TNFRSF10B: variants seen among roughly 807,000 people sequenced by gnomAD.
TNFRSF10B encodes TNF receptor superfamily member 10b, also known as tumor necrosis factor receptor superfamily member 10B.
TNFRSF10B carries 35 observed loss-of-function variants against 41.4 expected under a neutral mutation model. The ratio of observed to expected loss-of-function variants is 0.85; its 90% CI spans 0.65 to 1.12. The LOEUF is 1.12. Ranked by LOEUF, TNFRSF10B falls within the 50% of genes most tolerant of loss-of-function variation. TNFRSF10B has a pLI of 0.00. For synonymous variants in TNFRSF10B, 230 were observed against 215.5 expected (o/e 1.07, Z -0.59); for missense variants, 584 against 552.7 (o/e 1.06, Z -0.57).
At chr8:23,033,530 G>C (rs1811939918) in intron 2 of TNFRSF10B, among the ~76,000 whole-genome samples, 1 of 137,602 alleles carries the variant, frequency 7.3e-6, no homozygotes, top group African/African-American at 2.7e-5. Flanking sequence ...GGAGCCTGCA[G>C]TGAGCCGAGA....
chr8:23,036,383 C>T (rs1293936976), intron 2 of TNFRSF10B, among the ~76,000 whole-genome samples: 1 of 152,234 alleles, frequency 6.6e-6, no homozygotes, highest in East Asian at 1.9e-4. Context: ...TGCAATATTA[C>T]TTTCTTTTGC....
rs766068300 is a variant in TNFRSF10B at position 23,020,702 on chromosome 8, AAAAT to A, written c.*1965_*1968del. 6 of 453,796 alleles carry A rather than the reference AAAAT, an allele frequency of 1.3e-5. No homozygotes were observed. The highest frequency in any genetic ancestry group is 9.3e-5 in the South Asian group (6 of 64,412). 28.1% of individuals were successfully genotyped at this position (453,796 alleles called of 1,614,324 possible). On this transcript the variant is annotated 3_prime_UTR_variant, in exon 9 of 9. Transcript: ENST00000276431. The stretch of plus-strand genomic sequence containing the variant: ...GTGAGATTCTGTCTCAAAAAAATTA[AAAAT>A]AAAAGAAAAATCTTAAACACTGATA...
At chr8:23,031,680 C>T (rs534633740) in intron 2 of TNFRSF10B, among the ~76,000 whole-genome samples, 26 of 152,062 alleles carry the variant, frequency 1.7e-4, no homozygotes, top group African/African-American at 6.0e-4. Flanking sequence ...CAGGTGTCAG[C>T]CACTGTGCCC....
chr8:23,069,023 G>C lies in TNFRSF10B; in HGVS notation c.-129C>G. ...TCTCCGGCCGCGTGCTGATTTATGT[G>C]TCCAGGCTGACTTGGGGCGGCGCGG... On this transcript the variant is annotated 5_prime_UTR_variant, in exon 1 of 9. Coordinates refer to ENST00000276431, the MANE Select transcript of TNFRSF10B (RefSeq NM_003842.5). 1 of 1,470,922 alleles carries C rather than the reference G, an allele frequency of 6.8e-7. No homozygotes were observed. The highest frequency in any genetic ancestry group is 9.3e-7 in the Non-Finnish European group (1 of 1,074,524). 91.1% of individuals were successfully genotyped at this position (1,470,922 alleles called of 1,614,324 possible). A position where few individuals can be genotyped will look rare whatever the true frequency, so the allele number is the denominator to read the frequency against.
At position 23,021,360 on chromosome 8, in the gene TNFRSF10B, AG is replaced by A. The variant is rs990312918; in HGVS notation, c.*1310del. On this transcript the variant is annotated 3_prime_UTR_variant, in exon 9 of 9. Coordinates refer to ENST00000276431, the MANE Select transcript of TNFRSF10B (RefSeq NM_003842.5). ...ACCCTAAAAGGCAGCTCATGGGCTC[AG>A]GGTGACAGATAACCAGAAGTGAGCC... The A allele has an allele frequency of 6.6e-6, 3 of 454,034 alleles. No individual in the cohort carries two copies. Among genetic ancestry groups the A allele is most frequent in the Non-Finnish European group, 1.3e-5 (3 of 226,806 alleles). The allele number at this position is 454,034 out of a possible 1,614,324, so 28.1% of individuals were successfully genotyped here. A position where few individuals can be genotyped will look rare whatever the true frequency, so the allele number is the denominator to read the frequency against.
chr8:23,064,266 A>T lies in TNFRSF10B; in HGVS notation c.144+4485T>A, dbSNP rs183323202. Among the ~76,000 whole-genome samples, 3 of 152,324 alleles carry T rather than the reference A, an allele frequency of 2.0e-5. No homozygotes were observed. The East Asian group carries it at 5.8e-4, about 29-fold the overall frequency. ...ACAGACAGAATCCCAGACAGACAGGAATCCAGTGTAATGGGGGAGGGGAGT... is the reference window on the plus strand; with the variant it reads ...ACAGACAGAATCCCAGACAGACAGGTATCCAGTGTAATGGGGGAGGGGAGT... On this transcript the variant is annotated intron_variant, in intron 1 of 8. Transcript: ENST00000276431.
Position 23,029,741 on chromosome 8 carries a change from T to C in TNFRSF10B, c.365-20A>G, listed in dbSNP as rs112019844. 6,746 of 1,607,734 alleles carry C rather than the reference T, an allele frequency of 4.2e-3. 217 individuals carry two copies. The African/African-American group carries it at 0.072, about 17-fold the overall frequency. On this transcript the variant is annotated intron_variant, in intron 3 of 8. Transcript: ENST00000276431. ...CTTCACCTGACGACAGAGCATAAGG[T>C]TTTGGGAATGTGTTTTCCTGATGTG...
intron 7 of TNFRSF10B, among the ~76,000 whole-genome samples, 159 bp from the exon 8 acceptor site, chr8:23,024,419 C>G (rs1325326925): frequency 6.6e-6 from 1 of 152,094 alleles, no homozygotes; most frequent in Non-Finnish European, 1.5e-5. Flanking sequence ...GGGCAAGACT[C>G]TCGGAAGGAG....
At chr8:23,028,117 A>T in intron 5 of TNFRSF10B, 1 of 650,116 alleles carries the variant, frequency 1.5e-6, no homozygotes, top group South Asian at 1.9e-5. Flanking sequence ...GCTGGGAGAT[A>T]TGGGGACCCC....
chr8:23,022,251 T>G lies in TNFRSF10B; in HGVS notation c.*420A>C. On this transcript the variant is annotated 3_prime_UTR_variant, in exon 9 of 9. Coordinates refer to ENST00000276431, the MANE Select transcript of TNFRSF10B (RefSeq NM_003842.5). The stretch of plus-strand genomic sequence containing the variant: ...CTCCAGCCTGGGAGACAGAGTGAAC[T>G]GCCCCGCACCCCCCACCCAAAAAAG... 2.2e-6 allele frequency: 1 copy of G among 453,814 alleles called. No homozygotes were observed. The highest frequency in any genetic ancestry group is 4.4e-6 in the Non-Finnish European group (1 of 226,580). The allele number at this position is 453,814 out of a possible 1,614,324, so 28.1% of individuals were successfully genotyped here.
chr8:23,060,687 G>T (rs1812807337), intron 1 of TNFRSF10B, among the ~76,000 whole-genome samples: 1 of 152,104 alleles, frequency 6.6e-6, no homozygotes. Flanking sequence ...ATGTCCTTGG[G>T]ATTTTGATAG....
rs894497669 is a variant in TNFRSF10B at position 23,030,879 on chromosome 8, G to A, written c.251-7C>T. The A allele has an allele frequency of 4.4e-6, 7 of 1,599,574 alleles. No individual in the cohort carries two copies. Among genetic ancestry groups the A allele is most frequent in the Non-Finnish European group, 6.0e-6 (7 of 1,171,194 alleles). ...TCTTCTGAGATATGGTGTCCTGGGA[G>A]GGGAGAGAAAAGCCGGTGAATGAAA... On this transcript the variant is annotated splice_region_variant and splice_polypyrimidine_tract_variant and intron_variant, in intron 2 of 8. Transcript: ENST00000276431.
chr8:23,043,335 G>C, intron 1 of TNFRSF10B, 92 bp from the exon 2 acceptor site: 1 of 931,780 alleles, frequency 1.1e-6, no homozygotes. Flanking sequence ...AGGCACCCAA[G>C]CTAAACAGAA....
At chr8:23,023,957 G>A (rs979491047) in intron 8 of TNFRSF10B, among the ~76,000 whole-genome samples, 1 of 152,154 alleles carries the variant, frequency 6.6e-6, no homozygotes, top group Non-Finnish European at 1.5e-5. Context: ...GAGAGAGGAT[G>A]AGGGGACGGA....
intron 1 of TNFRSF10B, among the ~76,000 whole-genome samples, chr8:23,064,367 C>G (rs929054604): frequency 6.6e-6 from 1 of 152,130 alleles, no homozygotes; most frequent in African/African-American, 2.4e-5. Context: ...TAATATAGAT[C>G]CATTCATCAC....
intron 2 of TNFRSF10B, among the ~76,000 whole-genome samples, chr8:23,036,528 G>A (rs752925768): frequency 4.6e-5 from 7 of 152,180 alleles, no homozygotes; most frequent in Non-Finnish European, 8.8e-5. Context: ...TGTCTGGGAC[G>A]TCCCTGAAGG....
In TNFRSF10B at chr8:23,028,188, G is replaced by C. The variant is rs1057003894; in HGVS notation, c.748+143C>G. The C allele has an allele frequency of 1.9e-5, 21 of 1,115,482 alleles. 1 individual carries two copies. Among genetic ancestry groups the C allele is most frequent in the Non-Finnish European group, 2.8e-5 (21 of 760,690 alleles). 69.1% of individuals were successfully genotyped at this position (1,115,482 alleles called of 1,614,324 possible). On this transcript the variant is annotated intron_variant, in intron 5 of 8. Transcript: ENST00000276431. ...TGGGGGGTGCACGGGATGTGGGGAT[G>C]GGGGTGACCACGAGGAGGAGGATAG...
intron 7 of TNFRSF10B, among the ~76,000 whole-genome samples, chr8:23,026,291 T>TA (rs1377328254): frequency 6.6e-6 from 1 of 151,960 alleles, no homozygotes; most frequent in Non-Finnish European, 1.5e-5. Context: ...TTTGTTTTTT[T>TA]AAAAAAGAGT....
At chr8:23,035,422 G>A (rs528015579) in intron 2 of TNFRSF10B, among the ~76,000 whole-genome samples, 13 of 152,244 alleles carry the variant, frequency 8.5e-5, no homozygotes, top group South Asian at 4.1e-4. Context: ...GATTACAGGC[G>A]CGAGCCACCA....
Sources: allele counts gnomAD v4.1 joint callset (sites outside exome capture counted in the v4.1 genomes callset), GRCh38; gene constraint gnomAD v4.1.1; transcripts MANE v1.5; gene names NCBI Gene and HGNC (gene_info 2026-07-23, HGNC 2026-07-21).